TSHR: variants seen among roughly 807,000 people sequenced by gnomAD.
TSHR encodes the protein thyrotropin receptor.
TSHR carries 51 observed loss-of-function variants against 64.1 expected under a neutral mutation model. The ratio of observed to expected loss-of-function variants is 0.80; its 90% CI spans 0.64 to 1.01. The LOEUF (loss-of-function observed/expected upper bound fraction) is 1.01, where lower values mean the gene tolerates loss of function less well. TSHR is among the 50% of genes least tolerant of loss of function. TSHR has a pLI of 0.00. For synonymous variants in TSHR, 361 were observed against 361.9 expected, an observed-to-expected ratio of 1.00 and a Z score of 0.03; for missense variants, 877 against 942.8, an observed-to-expected ratio of 0.93 and a Z score of 0.91.
chr14:81,032,801 G>A (rs117434229), intron 1 of TSHR: 7,711 of 414,504 alleles, frequency 0.019, 81 homozygotes, highest in Non-Finnish European at 0.027. Context: ...TTCAGAAGGA[G>A]TGGATAGAGG....
intron 7 of TSHR, among the ~76,000 whole-genome samples, chr14:81,097,461 C>T (rs1889280958): frequency 6.6e-6 from 1 of 152,122 alleles, no homozygotes; most frequent in Non-Finnish European, 1.5e-5. Context: ...GGCATCAGAC[C>T]CTCTGAGAGG....
intron 3 of TSHR, among the ~76,000 whole-genome samples, chr14:81,076,544 T>A (rs1049180491): frequency 6.6e-6 from 1 of 152,194 alleles, no homozygotes; most frequent in African/African-American, 2.4e-5. Context: ...AATCTACTAC[T>A]CCTGTGTATG....
intron 7 of TSHR, chr14:81,104,036 G>C: frequency 1.0e-6 from 1 of 985,446 alleles, no homozygotes; most frequent in Non-Finnish European, 1.2e-6. Flanking sequence ...GACAATGATA[G>C]AGAATATTAT....
Position 81,143,550 on chromosome 14 carries a change from G to A in TSHR, c.1492G>A (p.Gly498Ser), listed in dbSNP as rs1376842882. ...GACAGGCCCTGGGTGCAACACGGCTGGTTTCTTCACTGTCTTTGCAAGCGA... is the reference window on the plus strand; with the variant it reads ...GACAGGCCCTGGGTGCAACACGGCTAGTTTCTTCACTGTCTTTGCAAGCGA... ...WQTGPGCNTA[G>S]FFTVFASELS... The change falls in exon 10 of 10, where the codon GGT becomes AGT. Residue 498 changes from glycine (G) to serine (S), a missense_variant. By Grantham distance (56) the Gly-to-Ser change is moderately conservative. Coordinates refer to ENST00000298171, the MANE Select transcript of TSHR (RefSeq NM_000369.5). 1 of 1,613,140 alleles carries A rather than the reference G, an allele frequency of 6.2e-7. No homozygotes were observed.
At chr14:81,036,655 T>G (rs1594982249) in intron 1 of TSHR, among the ~76,000 whole-genome samples, 2 of 152,208 alleles carry the variant, frequency 1.3e-5, no homozygotes, top group Non-Finnish European at 2.9e-5. Flanking sequence ...AAAAAGAAAG[T>G]ATAATCTCAT....
intron 8 of TSHR, among the ~76,000 whole-genome samples, chr14:81,136,324 C>G (rs1373032056): frequency 6.6e-6 from 1 of 152,182 alleles, no homozygotes; most frequent in African/African-American, 2.4e-5. Flanking sequence ...ACTGGAGATG[C>G]AAATACGTGG....
intron 1 of TSHR, among the ~76,000 whole-genome samples, chr14:80,965,024 G>A (rs1887226504): frequency 1.3e-5 from 2 of 152,210 alleles, no homozygotes; most frequent in South Asian, 4.1e-4. Flanking sequence ...AGTGTCCAGG[G>A]GAAGAAGAAG....
chr14:81,062,346 T>C (rs147603403), intron 2 of TSHR, 127 bp downstream of exon 2: 37 of 652,092 alleles, frequency 5.7e-5, no homozygotes, highest in African/African-American at 5.7e-4. Context: ...TCAATGTATA[T>C]GACAATTTTA....
intron 3 of TSHR, among the ~76,000 whole-genome samples, chr14:81,070,023 C>G (rs1350250304): frequency 6.6e-6 from 1 of 152,016 alleles, no homozygotes; most frequent in Non-Finnish European, 1.5e-5. Flanking sequence ...AGAGATTAGG[C>G]ATAGCTCAAA....
intron 1 of TSHR, among the ~76,000 whole-genome samples, chr14:80,977,982 C>A (rs986632650): frequency 6.6e-6 from 1 of 152,240 alleles, no homozygotes; most frequent in Non-Finnish European, 1.5e-5. Flanking sequence ...TTTATCTCAG[C>A]ATTAGCTGGC....
chr14:81,094,127 T>C (rs1443967710), intron 6 of TSHR: 1 of 152,224 alleles, frequency 6.6e-6, no homozygotes, highest in African/African-American at 2.4e-5. Flanking sequence ...TATTTCTACA[T>C]TTTGGCAAAA....
intron 7 of TSHR, among the ~76,000 whole-genome samples, chr14:81,107,361 T>C (rs944577272): frequency 2.0e-5 from 3 of 152,194 alleles, no homozygotes; most frequent in African/African-American, 4.8e-5. Flanking sequence ...CACTCACTAA[T>C]GTTTAAGTGG....
intron 1 of TSHR, among the ~76,000 whole-genome samples, chr14:81,011,859 AAAAT>A (rs201530269): frequency 0.11 from 17,046 of 151,648 alleles, 2,757 homozygotes; most frequent in African/African-American, 0.37. Context: ...ACTCTGTCTC[AAAAT>A]AAATAAATAA....
At chr14:81,008,175 CTTT>C (rs34516600) in intron 1 of TSHR, among the ~76,000 whole-genome samples, 15 of 128,676 alleles carry the variant, frequency 1.2e-4, no homozygotes, top group Non-Finnish European at 1.0e-4. Context: ...TTCTTTCTTT[CTTT>C]TTTTTTTTTT....
chr14:80,972,499 ATG>A (rs1407511354), intron 1 of TSHR, among the ~76,000 whole-genome samples: 1 of 152,146 alleles, frequency 6.6e-6, no homozygotes, highest in Admixed American at 6.6e-5. Context: ...ATTCAAATTC[ATG>A]TCTCCCAACT....
chr14:81,068,315 A>G lies in TSHR; in HGVS notation c.304A>G (p.Lys102Glu), dbSNP rs2139910314. The G allele has an allele frequency of 2.5e-6, 4 of 1,613,068 alleles. No individual in the cohort carries two copies. The highest frequency in any genetic ancestry group is 3.4e-6 in the Non-Finnish European group (4 of 1,179,336). ...LESHSFYNLS[K>E]VTHIEIRNTR... ...ATCACACTCCTTCTACAATTTGAGTAAAGTGACTCACATGTAAGTACAAGG... is the reference window on the plus strand; with the variant it reads ...ATCACACTCCTTCTACAATTTGAGTGAAGTGACTCACATGTAAGTACAAGG... Residue 102 changes from lysine (K) to glutamate (E), a missense_variant, in exon 3 of 10, where the codon AAA (lysine) becomes GAA (glutamate). Coordinates refer to ENST00000298171, the MANE Select transcript of TSHR (RefSeq NM_000369.5).
chr14:80,984,893 T>A (rs1012288336), intron 1 of TSHR, among the ~76,000 whole-genome samples: 1 of 152,118 alleles, frequency 6.6e-6, no homozygotes, highest in African/African-American at 2.4e-5. Context: ...TACCCATTTG[T>A]ACTTTATCTT....
rs562997478 is a variant in TSHR, at chr14:81,104,813, T to A, written c.615-3562T>A. ...TAACTCCATGTATGGAAATCTGACA[T>A]CTCTTTTCTCAGAAGAACTTCATTT... is the stretch of plus-strand genomic sequence containing the variant. On this transcript the variant is annotated intron_variant, in intron 7 of 9. Transcript: ENST00000298171. 1.4e-4 allele frequency: 135 copies of A among 985,264 alleles called. 1 individual carries two copies. Among genetic ancestry groups the A allele is most frequent in the Non-Finnish European group, 1.6e-4 (131 of 829,942 alleles). 61.0% of individuals were successfully genotyped at this position (985,264 alleles called of 1,614,324 possible).
intron 9 of TSHR, among the ~76,000 whole-genome samples, chr14:81,141,785 TGAAACTAAA>T (rs1891698909): frequency 6.6e-6 from 1 of 152,178 alleles, no homozygotes; most frequent in Admixed American, 6.5e-5. Flanking sequence ...ATATTCAGTT[TGAAACTAAA>T]TAATGATGAG....
Sources: allele counts gnomAD v4.1 joint callset (sites outside exome capture counted in the v4.1 genomes callset), GRCh38; gene constraint gnomAD v4.1.1; transcripts MANE v1.5; gene names NCBI Gene and HGNC (gene_info 2026-07-23, HGNC 2026-07-21).